Variants in STX12 observed in about 807,000 individuals in gnomAD.
The protein encoded by STX12 is syntaxin 12.
STX12 carries 17 observed loss-of-function variants against 42.2 expected under a neutral mutation model. That is an observed-to-expected ratio of 0.40 (90% CI 0.28 to 0.60). STX12 has a LOEUF of 0.60. Ranked by LOEUF, STX12 falls within the 20% of genes least tolerant of loss-of-function variation. The pLI, the probability that STX12 is intolerant of heterozygous loss-of-function variation, is 0.39. For synonymous variants in STX12, 108 were observed against 116.7 expected (o/e 0.93, Z 0.48); for missense variants, 297 against 330.9 (o/e 0.90, Z 0.79).
intron 1 of STX12, among the ~76,000 whole-genome samples, chr1:27,778,360 C>T (rs2088641544): frequency 6.6e-6 from 1 of 152,096 alleles, no homozygotes; most frequent in African/African-American, 2.4e-5. Context: ...TAGCTGAAAA[C>T]CTATTAGCCT....
intron 4 of STX12, among the ~76,000 whole-genome samples, chr1:27,808,606 T>C (rs2088881326): frequency 6.6e-6 from 1 of 152,186 alleles, no homozygotes; most frequent in South Asian, 2.1e-4. Context: ...CCTCTCAAAG[T>C]GCTGGGATTG....
chr1:27,823,093 A>C lies in STX12; in HGVS notation c.*764A>C, dbSNP rs1449488752. ...CCCTCTCCCACCTGTCTGCATAGAA[A>C]GGCAGAATTAGACATAGCATGCTTT... On this transcript the variant is annotated 3_prime_UTR_variant, in exon 9 of 9. Coordinates refer to ENST00000373943, the MANE Select transcript of STX12 (RefSeq NM_177424.3). 6.6e-6 allele frequency: 1 copy of C among 152,264 alleles called. No homozygotes were observed. Among genetic ancestry groups the C allele is most frequent in the East Asian group, 1.9e-4 (1 of 5,202 alleles). The allele number at this position is 152,264 out of a possible 1,614,324, so 9.4% of individuals were successfully genotyped here. A position where few individuals can be genotyped will look rare whatever the true frequency, so the allele number is the denominator to read the frequency against.
intron 3 of STX12, among the ~76,000 whole-genome samples, chr1:27,799,182 C>T (rs2088809647): frequency 6.6e-6 from 1 of 152,106 alleles, no homozygotes; most frequent in Non-Finnish European, 1.5e-5. Context: ...TTTGAAATTT[C>T]AGTCATTCTT....
At chr1:27,774,325 T>G (rs2088614536) in intron 1 of STX12, among the ~76,000 whole-genome samples, 2 of 152,182 alleles carry the variant, frequency 1.3e-5, no homozygotes, top group Admixed American at 6.5e-5. Context: ...TTCTTGTGCT[T>G]GAAAATCATC....
In STX12 at chr1:27,789,556, C is replaced by T. The variant is rs762562966; in HGVS notation, c.119-6C>T. The T allele has an allele frequency of 5.6e-6, 9 of 1,611,434 alleles. No homozygotes were observed. The South Asian group carries it at 8.8e-5, about 16-fold the overall frequency. On this transcript the variant is annotated splice_region_variant and splice_polypyrimidine_tract_variant and intron_variant, in intron 1 of 8. Coordinates refer to ENST00000373943, the MANE Select transcript of STX12 (RefSeq NM_177424.3). ...TAAATAAATCTTTTTCTTCCTATCTCCCCAGCTGCTCAGATAAAGAATTTG... is the reference window on the plus strand; with the variant it reads ...TAAATAAATCTTTTTCTTCCTATCTTCCCAGCTGCTCAGATAAAGAATTTG...
Position 27,792,326 on chromosome 1 carries a change from A to ATCTG in STX12, c.189-1206_189-1205insCTGT, listed in dbSNP as rs2088754662. Among the ~76,000 whole-genome samples, 15 of 141,432 alleles carry ATCTG rather than the reference A, an allele frequency of 1.1e-4. 2 individuals carry two copies. Among genetic ancestry groups the ATCTG allele is most frequent in the African/African-American group, 3.5e-4 (13 of 37,680 alleles). 92.8% of individuals were successfully genotyped at this position (141,432 alleles called of 152,430 possible). A position where few individuals can be genotyped will look rare whatever the true frequency, so the allele number is the denominator to read the frequency against. Reference sequence around the variant, plus strand: ...TATCTATATATATGTAGATACATATATATGTATCTATATATATGTAGATAC... The same window carrying ATCTG: ...TATCTATATATATGTAGATACATATATCTGTATGTATCTATATATATGTAGATAC... On this transcript the variant is annotated intron_variant, in intron 2 of 8. Transcript: ENST00000373943.
At chr1:27,779,144 C>G (rs972230046) in intron 1 of STX12, among the ~76,000 whole-genome samples, 2 of 152,146 alleles carry the variant, frequency 1.3e-5, no homozygotes, top group Non-Finnish European at 2.9e-5. Context: ...AAGTATTCAT[C>G]AGCTCAACAT....
intron 2 of STX12, among the ~76,000 whole-genome samples, chr1:27,792,199 T>C (rs2088750093): frequency 1.5e-5 from 2 of 135,224 alleles, no homozygotes; most frequent in African/African-American, 5.3e-5. Context: ...TATATGTATA[T>C]ACATATATAT....
chr1:27,783,781 A>G (rs11803279), intron 1 of STX12, among the ~76,000 whole-genome samples: 18,688 of 152,228 alleles, frequency 0.12, 3,841 homozygotes, highest in African/African-American at 0.42. Flanking sequence ...GTAGCACATC[A>G]GTCTAACATA....
intron 4 of STX12, among the ~76,000 whole-genome samples, chr1:27,806,614 G>A (rs2088864014): frequency 6.6e-6 from 1 of 152,216 alleles, no homozygotes; most frequent in African/African-American, 2.4e-5. Context: ...TGAGTGTGTG[G>A]TGATGAAGAA....
At chr1:27,776,655 T>C (rs1055344324) in intron 1 of STX12, among the ~76,000 whole-genome samples, 1 of 152,228 alleles carries the variant, frequency 6.6e-6, no homozygotes, top group Non-Finnish European at 1.5e-5. Context: ...AGTTGGAGGC[T>C]GCAGTGAGCT....
Position 27,810,173 on chromosome 1 carries a change from A to G in STX12, c.427-73A>G, listed in dbSNP as rs766643924. On this transcript the variant is annotated intron_variant, in intron 4 of 8. Coordinates refer to ENST00000373943, the MANE Select transcript of STX12 (RefSeq NM_177424.3). ...GGATGTTGCTTCTTTATACTGTGCT[A>G]AGGAAGCCCTTGTTTTGTGTGTCTG... 3.8e-5 allele frequency: 54 copies of G among 1,412,990 alleles called. 2 individuals are homozygous for G. The highest frequency in any genetic ancestry group is 1.4e-4 in the Admixed American group (8 of 58,778). The allele number at this position is 1,412,990 out of a possible 1,614,324, so 87.5% of individuals were successfully genotyped here.
At chr1:27,784,363 A>G (rs2088687171) in intron 1 of STX12, among the ~76,000 whole-genome samples, 1 of 152,018 alleles carries the variant, frequency 6.6e-6, no homozygotes, top group South Asian at 2.1e-4. Context: ...CAGGACTACA[A>G]GCATGCGCCA....
At chr1:27,802,928 A>G (rs1246561904) in intron 4 of STX12, among the ~76,000 whole-genome samples, 3 of 152,240 alleles carry the variant, frequency 2.0e-5, no homozygotes, top group African/African-American at 7.2e-5. Flanking sequence ...AAAAGTGTCA[A>G]AAGAATTTCT....
intron 2 of STX12, among the ~76,000 whole-genome samples, chr1:27,792,201 CATATATATGTATCTAT>C (rs1175782097): frequency 8.5e-6 from 1 of 118,002 alleles, no homozygotes; most frequent in Non-Finnish European, 1.8e-5. Flanking sequence ...TATGTATATA[CATATATATGTATCTAT>C]ATATATGTAT....
intron 1 of STX12, among the ~76,000 whole-genome samples, chr1:27,785,247 G>A (rs1295525575): frequency 2.0e-5 from 3 of 152,110 alleles, no homozygotes; most frequent in Non-Finnish European, 4.4e-5. Flanking sequence ...CTGGATGGGT[G>A]TGTGTGTGTT....
chr1:27,814,734 CA>C (rs2088928879), intron 6 of STX12, among the ~76,000 whole-genome samples: 1 of 151,152 alleles, frequency 6.6e-6, no homozygotes, highest in Non-Finnish European at 1.5e-5. Flanking sequence ...CCTGTAATTC[CA>C]GCTACTGGGG....
Position 27,805,915 on chromosome 1 carries a change from TATA to T in STX12, c.426+4103_426+4105del, listed in dbSNP as rs1419073113. Among the ~76,000 whole-genome samples the T allele has an allele frequency of 4.6e-5, 7 of 152,328 alleles. No individual in the cohort carries two copies. In the South Asian group the frequency reaches 1.4e-3, roughly 32 times the overall value. On this transcript the variant is annotated intron_variant, in intron 4 of 8. Transcript: ENST00000373943. ...GTTGCATTGTACAATCTAAAACCAT[TATA>T]ATGACTTCATACTCTGTTACATTAA...
intron 3 of STX12, among the ~76,000 whole-genome samples, chr1:27,795,447 A>G (rs1207974602): frequency 2.0e-5 from 3 of 152,042 alleles, no homozygotes; most frequent in Admixed American, 2.0e-4. Flanking sequence ...CTGGGATTGC[A>G]GGCACCCACT....
Sources: gnomAD v4.1 joint callset for allele counts (sites outside exome capture counted in the v4.1 genomes callset) on GRCh38, gnomAD v4.1.1 for gene constraint, MANE v1.5 for transcripts, NCBI Gene and HGNC (gene_info 2026-07-23, HGNC 2026-07-21) for gene names.